RGS6: variants seen among roughly 807,000 people sequenced by gnomAD.
RGS6 encodes regulator of G-protein signaling 6.
A neutral mutation model predicts 78.5 loss-of-function variants in RGS6; 30 were observed. That is an observed-to-expected ratio of 0.38 (90% CI 0.29 to 0.52). RGS6 has a LOEUF of 0.52. Among genes scored for constraint, RGS6 ranks in the 20% least tolerant of loss-of-function variants. RGS6 has a pLI of 0.85. For synonymous variants in RGS6, 206 were observed against 206.0 expected (o/e 1.00, Z 0.00); for missense variants, 495 against 609.7 (o/e 0.81, Z 1.98).
At chr14:72,513,217 C>T (rs2096900212) in intron 14 of RGS6, among the ~76,000 whole-genome samples, 1 of 152,190 alleles carries the variant, frequency 6.6e-6, no homozygotes, top group African/African-American at 2.4e-5. Flanking sequence ...CCACGGGGTG[C>T]CAGTTAAGTA....
intron 2 of RGS6, among the ~76,000 whole-genome samples, chr14:72,101,380 C>T (rs144521785): frequency 1.0e-3 from 158 of 152,322 alleles, no homozygotes; most frequent in Non-Finnish European, 1.8e-3. Context: ...GATGTGTTCA[C>T]CTCTGTGTTC....
chr14:72,182,968 A>G (rs894859309), intron 2 of RGS6, among the ~76,000 whole-genome samples: 15 of 152,168 alleles, frequency 9.9e-5, no homozygotes, highest in Non-Finnish European at 1.5e-4. Flanking sequence ...AGTTACTTCC[A>G]TGACCCACCC....
intron 3 of RGS6, among the ~76,000 whole-genome samples, chr14:72,413,191 G>T (rs1399067593): frequency 6.6e-6 from 1 of 152,152 alleles, no homozygotes; most frequent in East Asian, 1.9e-4. Flanking sequence ...CATTATTATT[G>T]TGTGGGAGTC....
At chr14:72,012,328 T>A (rs1272976768) in intron 2 of RGS6, among the ~76,000 whole-genome samples, 1 of 152,172 alleles carries the variant, frequency 6.6e-6, no homozygotes, top group Non-Finnish European at 1.5e-5. Context: ...TAGACATGAT[T>A]TTCTTCTAAA....
chr14:72,430,246 G>A lies in RGS6; in HGVS notation c.185-24282G>A, dbSNP rs376520508. Among the ~76,000 whole-genome samples the A allele has an allele frequency of 1.3e-3, 192 of 152,230 alleles. 1 individual carries two copies. The highest frequency in any genetic ancestry group is 4.5e-3 in the African/African-American group (185 of 41,540). ...ATTCTCCCATCCACTTCGCTCACAC[G>A]TGATAGATAGTCTGTATTATCTCTT... On this transcript the variant is annotated intron_variant, in intron 3 of 17. Transcript: ENST00000553525.
chr14:72,045,199 T>G (rs1398930361), intron 2 of RGS6, among the ~76,000 whole-genome samples: 3 of 152,248 alleles, frequency 2.0e-5, no homozygotes, highest in African/African-American at 7.2e-5. Flanking sequence ...AATACACATA[T>G]TAATCATAGT....
chr14:72,202,003 C>A (rs1263114428), intron 2 of RGS6, among the ~76,000 whole-genome samples: 2 of 152,184 alleles, frequency 1.3e-5, no homozygotes, highest in African/African-American at 4.8e-5. Flanking sequence ...GGCAAAATGA[C>A]TTAAGAACCA....
chr14:72,363,209 C>T (rs1211782327), intron 3 of RGS6, among the ~76,000 whole-genome samples: 8 of 152,208 alleles, frequency 5.3e-5, no homozygotes, highest in East Asian at 3.9e-4. Flanking sequence ...GATGGACTGC[C>T]GTCAGAGGTT....
intron 2 of RGS6, among the ~76,000 whole-genome samples, chr14:72,333,951 C>T (rs2075540210): frequency 6.6e-6 from 1 of 152,208 alleles, no homozygotes; most frequent in Non-Finnish European, 1.5e-5. Context: ...AGCTTTTTAT[C>T]TGTCAGAAGT....
rs559695981 is a variant in RGS6 at position 72,416,360 on chromosome 14, G to A, written c.185-38168G>A. On this transcript the variant is annotated intron_variant, in intron 3 of 17. Transcript: ENST00000553525. Reference sequence around the variant, plus strand: ...TAAAGATGGGTCTCCTTTTCTTCTTGTCCCCTGCTTTCAGCTCTGAATGAG... The same window carrying A: ...TAAAGATGGGTCTCCTTTTCTTCTTATCCCCTGCTTTCAGCTCTGAATGAG... Among the ~76,000 whole-genome samples the A allele has an allele frequency of 9.5e-4, 145 of 152,136 alleles. 1 individual carries two copies. Among genetic ancestry groups the A allele is most frequent in the African/African-American group, 3.3e-3 (135 of 41,506 alleles).
chr14:71,946,166 G>A (rs2091478470), intron 1 of RGS6, among the ~76,000 whole-genome samples: 1 of 152,100 alleles, frequency 6.6e-6, no homozygotes, highest in African/African-American at 2.4e-5. Context: ...AGGATAGCAG[G>A]TAGTTTAGGG....
At position 71,964,928 on chromosome 14, in the gene RGS6, C is replaced by A. The variant is rs1199107071; in HGVS notation, c.84+53C>A. ...TGCTGTCCGTGTGGACTGTTGTGTTCTGTGTAGGGCTGATAAAAAGACAAA... is the reference window on the plus strand; with the variant it reads ...TGCTGTCCGTGTGGACTGTTGTGTTATGTGTAGGGCTGATAAAAAGACAAA... On this transcript the variant is annotated intron_variant, in intron 2 of 17. Transcript: ENST00000553525. The A allele has an allele frequency of 3.1e-6, 4 of 1,305,046 alleles. No homozygotes were observed. The African/African-American group carries it at 4.5e-5, about 15-fold the overall frequency. 80.8% of individuals were successfully genotyped at this position (1,305,046 alleles called of 1,614,324 possible).
At chr14:72,158,816 A>G (rs924529712) in intron 2 of RGS6, among the ~76,000 whole-genome samples, 1 of 151,932 alleles carries the variant, frequency 6.6e-6, no homozygotes, top group African/African-American at 2.4e-5. Flanking sequence ...AGAGCAGCCT[A>G]TTTAGAATAT....
At chr14:72,595,071 T>C in the RGS6 span, 1 of 152,158 alleles carries the variant, frequency 6.6e-6, no homozygotes, top group South Asian at 2.1e-4. Context: ...AAATGATTCA[T>C]GGGGGACTCT....
the RGS6 span, among the ~76,000 whole-genome samples, chr14:71,875,952 G>A: frequency 2.0e-5 from 3 of 152,326 alleles, no homozygotes; most frequent in Admixed American, 1.3e-4. Context: ...TAGTTGAGCA[G>A]TTTTGAGTGA....
chr14:72,351,731 T>C (rs751031412), intron 2 of RGS6, among the ~76,000 whole-genome samples: 1 of 152,198 alleles, frequency 6.6e-6, no homozygotes, highest in African/African-American at 2.4e-5. Context: ...ATATAGAAAT[T>C]TCATATGGTT....
intron 2 of RGS6, among the ~76,000 whole-genome samples, chr14:72,210,857 C>T (rs1025651388): frequency 6.6e-6 from 1 of 151,930 alleles, no homozygotes; most frequent in Non-Finnish European, 1.5e-5. Flanking sequence ...TATAAAGAGA[C>T]AGCTTCCAAA....
At chr14:72,477,666 G>A (rs762721936) in intron 11 of RGS6, among the ~76,000 whole-genome samples, 14 of 151,830 alleles carry the variant, frequency 9.2e-5, no homozygotes, top group South Asian at 4.2e-4. Context: ...GCTTGGTGGC[G>A]TGTGACTATA....
intron 12 of RGS6, 26 bp downstream of exon 12, chr14:72,478,355 T>G (rs1171615593): frequency 6.9e-7 from 1 of 1,451,090 alleles, no homozygotes; most frequent in Admixed American, 1.7e-5. Flanking sequence ...ATAATATTAC[T>G]ACTTTCTTCT....
Sources: gnomAD v4.1 joint callset for allele counts (sites outside exome capture counted in the v4.1 genomes callset) on GRCh38, gnomAD v4.1.1 for gene constraint, MANE v1.5 for transcripts, NCBI Gene and HGNC (gene_info 2026-07-23, HGNC 2026-07-21) for gene names.